KAT2B: variants seen among roughly 807,000 people sequenced by gnomAD.
KAT2B encodes the protein histone acetyltransferase KAT2B.
Under a neutral mutation model 105.9 loss-of-function variants are expected in KAT2B, and 36 were observed. The observed-to-expected ratio is 0.34, with a 90% CI of 0.26 to 0.45. The LOEUF (loss-of-function observed/expected upper bound fraction) is 0.45. KAT2B is among the 20% of genes least tolerant of loss of function. KAT2B has a pLI of 1.00. For missense variants in KAT2B, 820 were observed against 1,021.6 expected, an observed-to-expected ratio of 0.80 and a Z score of 2.69; for synonymous variants, 397 against 377.9, an observed-to-expected ratio of 1.05 and a Z score of -0.59.
At chr3:20,057,461 G>T (rs1698021063) in intron 1 of KAT2B, among the ~76,000 whole-genome samples, 2 of 152,162 alleles carry the variant, frequency 1.3e-5, no homozygotes, top group Admixed American at 6.5e-5. Context: ...TTGATTTGGT[G>T]CCAAAACAAC....
At chr3:20,040,890 C>G in intron 1 of KAT2B, 110 bp downstream of exon 1, 2 of 1,306,662 alleles carry the variant, frequency 1.5e-6, no homozygotes, top group Admixed American at 3.3e-5. Context: ...CCTCTCGCCT[C>G]CCGCCTGGGG....
At chr3:20,107,489 C>T (rs1243005585) in intron 5 of KAT2B, among the ~76,000 whole-genome samples, 1 of 151,212 alleles carries the variant, frequency 6.6e-6, no homozygotes, top group East Asian at 2.0e-4. Context: ...GAAACCCTGT[C>T]TCTATTAAAA....
chr3:20,144,997 G>T (rs918726786), intron 13 of KAT2B, among the ~76,000 whole-genome samples: 1 of 151,814 alleles, frequency 6.6e-6, no homozygotes, highest in Non-Finnish European at 1.5e-5. Flanking sequence ...GGGTTTCACC[G>T]TGTTGGCCAG....
At chr3:20,070,818 T>C (rs919474820) in intron 1 of KAT2B, among the ~76,000 whole-genome samples, 8 of 151,184 alleles carry the variant, frequency 5.3e-5, no homozygotes, top group African/African-American at 1.9e-4. Context: ...AGACCAGCCT[T>C]GGCAACATGG....
At chr3:20,092,281 T>C (rs1053078731) in intron 2 of KAT2B, among the ~76,000 whole-genome samples, 3 of 151,342 alleles carry the variant, frequency 2.0e-5, no homozygotes, top group Non-Finnish European at 4.4e-5. Context: ...TAGGCTGGAG[T>C]GCAGTGGCAT....
rs1317448179 is a variant in KAT2B at position 20,040,799 on chromosome 3, C to G, written c.303+19C>G. Reference sequence around the variant, plus strand: ...CTGCAAGGTACGCGCTCGCCGCTCTCGGACCGCGGATGGGTGCTAGGGGCC... The same window carrying G: ...CTGCAAGGTACGCGCTCGCCGCTCTGGGACCGCGGATGGGTGCTAGGGGCC... On this transcript the variant is annotated intron_variant, in intron 1 of 17. Transcript: ENST00000263754. The G allele has an allele frequency of 1.9e-6, 3 of 1,578,874 alleles. No individual in the cohort carries two copies. The highest frequency in any genetic ancestry group is 3.4e-5 in the Admixed American group (2 of 58,240).
intron 1 of KAT2B, among the ~76,000 whole-genome samples, chr3:20,065,353 A>G (rs903905416): frequency 1.1e-4 from 16 of 151,482 alleles, no homozygotes; most frequent in Non-Finnish European, 1.9e-4. Context: ...TGCAAGGCCA[A>G]CTCCCTTGGG....
chr3:20,118,328 T>TTG (rs10558647), intron 7 of KAT2B, among the ~76,000 whole-genome samples: 6,744 of 139,130 alleles, frequency 0.048, 212 homozygotes, highest in Admixed American at 0.11. Context: ...TCTCCTAAAT[T>TTG]TGTGTGTGTG....
chr3:20,104,769 G>T (rs1244002414), intron 5 of KAT2B, among the ~76,000 whole-genome samples: 2 of 152,168 alleles, frequency 1.3e-5, no homozygotes, highest in African/African-American at 4.8e-5. Flanking sequence ...TCATTACAGA[G>T]CTAACTTGTA....
intron 1 of KAT2B, among the ~76,000 whole-genome samples, chr3:20,057,446 C>T (rs1454479710): frequency 6.6e-6 from 1 of 152,104 alleles, no homozygotes; most frequent in African/African-American, 2.4e-5. Context: ...TTTTGCTCAT[C>T]CTGGTTGATT....
intron 3 of KAT2B, among the ~76,000 whole-genome samples, chr3:20,097,190 T>C (rs1698826179): frequency 6.6e-6 from 1 of 152,164 alleles, no homozygotes; most frequent in Non-Finnish European, 1.5e-5. Flanking sequence ...CAGCTATTAT[T>C]TGTCTTGGAA....
chr3:20,131,407 G>C (rs1699509374), intron 11 of KAT2B, among the ~76,000 whole-genome samples: 1 of 151,940 alleles, frequency 6.6e-6, no homozygotes, highest in Non-Finnish European at 1.5e-5. Context: ...ATTTTCACTG[G>C]CGTATAGTCT....
At chr3:20,062,244 TA>T (rs1698139534) in intron 1 of KAT2B, among the ~76,000 whole-genome samples, 1 of 36,972 alleles carries the variant, frequency 2.7e-5, no homozygotes, top group Non-Finnish European at 4.9e-5. Flanking sequence ...ATAAAATATA[TA>T]ATATATAAAA....
chr3:20,078,205 T>C (rs1698453982), intron 2 of KAT2B, among the ~76,000 whole-genome samples: 3 of 151,456 alleles, frequency 2.0e-5, no homozygotes, highest in African/African-American at 7.3e-5. Context: ...AATAAATAAA[T>C]AAAAAGGCAG....
At chr3:20,100,688 TC>T (rs2125198542) in intron 4 of KAT2B, among the ~76,000 whole-genome samples, 1 of 152,320 alleles carries the variant, frequency 6.6e-6, no homozygotes, top group Non-Finnish European at 1.5e-5. Flanking sequence ...AATTCATTGC[TC>T]TTTTATTTGA....
At chr3:20,121,105 T>C (rs150836867) in intron 8 of KAT2B, among the ~76,000 whole-genome samples, 37 of 152,288 alleles carry the variant, frequency 2.4e-4, no homozygotes, top group African/African-American at 7.5e-4. Context: ...TGAGGACTTA[T>C]TGGTCAGATG....
intron 1 of KAT2B, among the ~76,000 whole-genome samples, chr3:20,046,303 AG>A (rs1697809816): frequency 6.6e-6 from 1 of 152,172 alleles, no homozygotes; most frequent in African/African-American, 2.4e-5. Context: ...AAATAGGCCC[AG>A]GGCATGGTGG....
chr3:20,044,718 C>T (rs887799616), intron 1 of KAT2B, among the ~76,000 whole-genome samples: 1 of 152,308 alleles, frequency 6.6e-6, no homozygotes, highest in African/African-American at 2.4e-5. Flanking sequence ...CTTTACCCCC[C>T]TGAGCAGCCT....
intron 1 of KAT2B, among the ~76,000 whole-genome samples, chr3:20,046,463 TCCCTA>T (rs996590747): frequency 7.2e-5 from 11 of 152,132 alleles, no homozygotes; most frequent in Admixed American, 3.9e-4. Flanking sequence ...GTGCCTGTAG[TCCCTA>T]GCTACTCAGG....
Sources: allele counts gnomAD v4.1 joint callset (sites outside exome capture counted in the v4.1 genomes callset), GRCh38; gene constraint gnomAD v4.1.1; transcripts MANE v1.5; gene names NCBI Gene and HGNC (gene_info 2026-07-23, HGNC 2026-07-21).